The following TENM4 variants were observed in gnomAD, a reference collection of about 807,000 sequenced individuals.
The protein encoded by TENM4 is teneurin-4.
TENM4 carries 82 observed loss-of-function variants against 243.3 expected under a neutral mutation model. The observed-to-expected ratio is 0.34, with a 90% CI of 0.28 to 0.40. The LOEUF (loss-of-function observed/expected upper bound fraction) is 0.40, where lower values mean the gene tolerates loss of function less well. TENM4 is among the 10% of genes least tolerant of loss of function. TENM4 has a pLI of 1.00. For missense variants in TENM4, 3,138 were observed against 3,673.3 expected (o/e 0.85, Z 3.77); for synonymous variants, 1,412 against 1,456.3 (o/e 0.97, Z 0.69).
intron 6 of TENM4, among the ~76,000 whole-genome samples, chr11:78,927,632 T>C (rs529074333): frequency 1.2e-4 from 18 of 152,324 alleles, no homozygotes; most frequent in African/African-American, 4.3e-4. Flanking sequence ...AAGCGCTTAT[T>C]CAACCCAGAC....
In TENM4 at chr11:78,903,402, G is replaced by T. The variant is rs766879572; in HGVS notation, c.615C>A (p.Phe205Leu). The change falls in exon 7 of 34, where the codon TTC becomes TTA. Residue 205 changes from phenylalanine to leucine, a missense_variant. By Grantham distance (22) the Phe-to-Leu change is conservative (BLOSUM62 0). This residue lies in a region of TENM4 where 671 missense variants were observed against 614.1 expected (regional missense o/e 1.09). Transcript: ENST00000278550. ...CCGGGCTGGGGTTGCTCCTCGGCGTGAAGTTGCCCCGGTTCAGGGAGTTAA... is the reference window on the plus strand; with the variant it reads ...CCGGGCTGGGGTTGCTCCTCGGCGTTAAGTTGCCCCGGTTCAGGGAGTTAA... Reference protein sequence around the residue: ...ASINSLNRGNFTPRSNPSPAP... With the variant: ...ASINSLNRGNLTPRSNPSPAP... The T allele has an allele frequency of 2.0e-6, 3 of 1,538,220 alleles. No individual in the cohort carries two copies. Among genetic ancestry groups the T allele is most frequent in the Non-Finnish European group, 2.6e-6 (3 of 1,140,216 alleles).
In TENM4 at chr11:79,440,852, C is replaced by CGCGTGTGT. The variant is rs1468614577; in HGVS notation, c.-665_-664insACACACGC. ...GGGTTGGGGCGGGTGTGTGCGCGCGCGTGTGTGAGTGTGTGTGTGTGTGTG... is the reference window on the plus strand; with the variant it reads ...GGGTTGGGGCGGGTGTGTGCGCGCGCGCGTGTGTGTGTGTGAGTGTGTGTGTGTGTGTG... On this transcript the variant is annotated 5_prime_UTR_variant, in exon 1 of 34. Transcript: ENST00000278550. The surrounding 1 kb of genome is among the most constrained non-coding windows in gnomAD (Gnocchi z 4.7). 2 of 132,236 alleles carry CGCGTGTGT rather than the reference C, an allele frequency of 1.5e-5. No homozygotes were observed. Among genetic ancestry groups the CGCGTGTGT allele is most frequent in the Admixed American group, 1.5e-4 (2 of 13,002 alleles). 8.2% of individuals were successfully genotyped at this position (132,236 alleles called of 1,614,324 possible). A position where few individuals can be genotyped will look rare whatever the true frequency, so the allele number is the denominator to read the frequency against.
At chr11:79,236,716 C>T (rs1410480818) in intron 2 of TENM4, among the ~76,000 whole-genome samples, 11 of 152,148 alleles carry the variant, frequency 7.2e-5, no homozygotes, top group East Asian at 1.9e-4. Context: ...TTCTTTTCCA[C>T]GAGCCTAGAC....
chr11:79,267,686 T>C (rs528660284), intron 2 of TENM4, among the ~76,000 whole-genome samples: 20 of 152,346 alleles, frequency 1.3e-4, no homozygotes, highest in African/African-American at 4.1e-4. Flanking sequence ...GAATAAATTA[T>C]ATAAGGTATG....
In TENM4 at chr11:78,729,691, G is replaced by A. The variant is rs512004; in HGVS notation, c.3139-48C>T. 111 of 1,549,056 alleles carry A rather than the reference G, an allele frequency of 7.2e-5. 2 individuals are homozygous for A. In the South Asian group the frequency reaches 1.2e-3, roughly 16 times the overall value. ...AGCAAGGGACGGTCGTCGACTCACC[G>A]AGTGGAGGGAAGATGGCGTGGCCCC... On this transcript the variant is annotated intron_variant, in intron 21 of 33. Transcript: ENST00000278550.
chr11:79,312,698 G>A (rs1263510665), intron 1 of TENM4, among the ~76,000 whole-genome samples: 1 of 152,202 alleles, frequency 6.6e-6, no homozygotes, highest in Non-Finnish European at 1.5e-5. Context: ...CAGCTAGCAA[G>A]CACTCAATTA....
chr11:79,072,458 C>T lies in TENM4; in HGVS notation c.-65-2449G>A, dbSNP rs576900963. Among the ~76,000 whole-genome samples the T allele has an allele frequency of 1.1e-4, 16 of 147,746 alleles. No homozygotes were observed. In the South Asian group the frequency reaches 1.5e-3, roughly 14 times the overall value. The stretch of plus-strand genomic sequence containing the variant: ...GCTGTGATGGTACCACTGTACTCCC[C>T]GCTGGGCAAGAGTGAGACCCTGTCT... On this transcript the variant is annotated intron_variant, in intron 4 of 33. Coordinates refer to ENST00000278550, the MANE Select transcript of TENM4 (RefSeq NM_001098816.3).
intron 6 of TENM4, among the ~76,000 whole-genome samples, chr11:79,015,658 C>A (rs186313291): frequency 1.3e-5 from 2 of 152,284 alleles, no homozygotes; most frequent in Admixed American, 1.3e-4. Context: ...ACTAATTCCA[C>A]AGTACTTGAG....
At chr11:78,826,076 CTTTTTTTTTTTTTT>C (rs59565048) in intron 12 of TENM4, among the ~76,000 whole-genome samples, 1 of 115,406 alleles carries the variant, frequency 8.7e-6, no homozygotes, top group Admixed American at 9.1e-5. Flanking sequence ...AATCCCCCTC[CTTTTTTTTTTTTTT>C]TTTTTTTTTT....
At chr11:78,891,409 A>C (rs1418830253) in intron 7 of TENM4, 73 bp from the exon 8 acceptor site, 2 of 1,380,002 alleles carry the variant, frequency 1.4e-6, no homozygotes, top group African/African-American at 2.9e-5. Flanking sequence ...AGAAACACAC[A>C]AAGTGGCTGT....
chr11:78,932,864 G>A (rs1339957649), intron 6 of TENM4, among the ~76,000 whole-genome samples: 4 of 152,316 alleles, frequency 2.6e-5, no homozygotes, highest in East Asian at 1.9e-4. Flanking sequence ...GACAGGAGGC[G>A]GAGCTCAGGT....
At chr11:78,684,533 C>T (rs1424765714) in intron 29 of TENM4, among the ~76,000 whole-genome samples, 1 of 151,066 alleles carries the variant, frequency 6.6e-6, no homozygotes, top group Non-Finnish European at 1.5e-5. Context: ...CTCACAAACA[C>T]ACATACACAC....
At chr11:78,672,599 G>A (rs79954279) in intron 30 of TENM4, among the ~76,000 whole-genome samples, 1,795 of 152,320 alleles carry the variant, frequency 0.012, 37 homozygotes, top group African/African-American at 0.04. Context: ...ATCAGTAGCT[G>A]TGACCAAAGA....
chr11:79,383,823 T>C (rs1858054723), intron 1 of TENM4, among the ~76,000 whole-genome samples: 1 of 152,214 alleles, frequency 6.6e-6, no homozygotes, highest in Non-Finnish European at 1.5e-5. Flanking sequence ...TCATCATTCA[T>C]GCACCAAACC....
intron 18 of TENM4, among the ~76,000 whole-genome samples, chr11:78,766,797 A>G (rs1856548561): frequency 6.6e-6 from 1 of 151,276 alleles, no homozygotes; most frequent in African/African-American, 2.4e-5. Flanking sequence ...CCGCCTCCCA[A>G]ATTAAAGTGA....
intron 7 of TENM4, among the ~76,000 whole-genome samples, chr11:78,898,342 C>T (rs1855843712): frequency 6.6e-6 from 1 of 152,234 alleles, no homozygotes; most frequent in Non-Finnish European, 1.5e-5. Flanking sequence ...GGTCATTCTA[C>T]CAGCTGTTAT....
intron 23 of TENM4, among the ~76,000 whole-genome samples, chr11:78,723,621 T>G (rs1328083150): frequency 2.0e-5 from 3 of 152,262 alleles, no homozygotes; most frequent in African/African-American, 7.2e-5. Flanking sequence ...AATGAGGGGA[T>G]TGACCTCAAT....
intron 6 of TENM4, among the ~76,000 whole-genome samples, chr11:78,982,541 T>G (rs1363106093): frequency 2.0e-5 from 3 of 152,120 alleles, no homozygotes; most frequent in South Asian, 4.1e-4. Context: ...GTGGTCATGC[T>G]GGGCCCTGCC....
intron 1 of TENM4, chr11:79,401,995 G>A (rs1355593574): frequency 5.2e-6 from 2 of 386,332 alleles, no homozygotes; most frequent in Non-Finnish European, 1.2e-5. Flanking sequence ...GGTGTGCAGG[G>A]TGAGAAGAGA....
Sources: allele counts gnomAD v4.1 joint callset (sites outside exome capture counted in the v4.1 genomes callset), GRCh38; gene constraint gnomAD v4.1.1; regional missense constraint gnomAD v4.1.1; non-coding constraint Gnocchi (gnomAD v3.1); transcripts MANE v1.5; gene names NCBI Gene and HGNC (gene_info 2026-07-23, HGNC 2026-07-21).